The following IFT74 variants were observed in gnomAD, a reference collection of about 807,000 sequenced individuals.
IFT74 encodes the protein intraflagellar transport 74.
In IFT74, 92 loss-of-function variants were observed where a neutral mutation model predicts 96.7. That is an observed-to-expected ratio of 0.95 (90% CI 0.80 to 1.13). IFT74 has a LOEUF of 1.13. Ranked by LOEUF, IFT74 falls within the 50% of genes most tolerant of loss-of-function variation. The probability of loss-of-function intolerance (pLI) is 0.00; values close to 1 mark genes in which losing one functional copy is unlikely to be tolerated. For missense variants in IFT74, 811 were observed against 698.2 expected (o/e 1.16, Z -1.82); for synonymous variants, 223 against 213.2 (o/e 1.05, Z -0.40).
At chr9:27,016,251 T>C (rs1341974710) in intron 10 of IFT74, among the ~76,000 whole-genome samples, 1 of 152,192 alleles carries the variant, frequency 6.6e-6, no homozygotes, top group Non-Finnish European at 1.5e-5. Context: ...GACTTGCAGC[T>C]GCATCACTCC....
chr9:26,949,948 A>T (rs772982339), intron 1 of IFT74, among the ~76,000 whole-genome samples: 8 of 152,192 alleles, frequency 5.3e-5, no homozygotes, highest in South Asian at 2.1e-4. Flanking sequence ...TATCTGTAGG[A>T]GTACTTGGCG....
chr9:26,981,969 A>G (rs968971136), intron 4 of IFT74, among the ~76,000 whole-genome samples: 2 of 151,354 alleles, frequency 1.3e-5, no homozygotes, highest in Non-Finnish European at 2.9e-5. Context: ...GGCTTTCACC[A>G]TATTGGCCAG....
At position 27,065,907 on chromosome 9, in the gene IFT74, A is replaced by C. The variant is rs999157103; in HGVS notation, c.*3171A>C. On this transcript the variant is annotated 3_prime_UTR_variant, in exon 20 of 20. Coordinates refer to ENST00000380062, the MANE Select transcript of IFT74 (RefSeq NM_025103.4). ...TTGAAATAAAAGTAGATTATGTCTT[A>C]AAATTGTAAGTTTACAGTTTGATAA... is the stretch of plus-strand genomic sequence containing the variant. Among the ~76,000 whole-genome samples the C allele has an allele frequency of 6.6e-6, 1 of 152,230 alleles. No homozygotes were observed. Among genetic ancestry groups the C allele is most frequent in the African/African-American group, 2.4e-5 (1 of 41,472 alleles).
In IFT74 at chr9:26,990,321, A is replaced by G. The variant is rs1587298108; in HGVS notation, c.587+126A>G. ...CCCATTGCCTTTTTCATTTAAAAAT[A>G]TTTACAACACAAATTTTGTTGCTTA... On this transcript the variant is annotated intron_variant, in intron 8 of 19. Transcript: ENST00000380062. 1.5e-5 allele frequency: 7 copies of G among 460,334 alleles called. No homozygotes were observed. The East Asian group carries it at 2.1e-4, about 14-fold the overall frequency. 28.5% of individuals were successfully genotyped at this position (460,334 alleles called of 1,614,324 possible). A position where few individuals can be genotyped will look rare whatever the true frequency, so the allele number is the denominator to read the frequency against.
chr9:26,976,922 TTTAGTAC>T, intron 2 of IFT74: 1 of 370,100 alleles, frequency 2.7e-6, no homozygotes, highest in Non-Finnish European at 5.3e-6. Flanking sequence ...ATGTAAGCCC[TTTAGTAC>T]TTACATGGTC....
intron 8 of IFT74, among the ~76,000 whole-genome samples, chr9:27,000,342 C>T (rs10967652): frequency 0.32 from 49,016 of 151,962 alleles, 9,298 homozygotes; most frequent in East Asian, 0.69. Context: ...TTCAGGAAAA[C>T]GTATATTTAT....
At chr9:27,039,698 A>G (rs1819379945) in intron 13 of IFT74, among the ~76,000 whole-genome samples, 1 of 152,182 alleles carries the variant, frequency 6.6e-6, no homozygotes, top group Admixed American at 6.5e-5. Flanking sequence ...AGGTATCATA[A>G]GTAATCTAGG....
At chr9:26,959,939 G>A (rs993514354) in intron 1 of IFT74, among the ~76,000 whole-genome samples, 8 of 152,198 alleles carry the variant, frequency 5.3e-5, no homozygotes, top group Admixed American at 2.6e-4. Flanking sequence ...CAGATTGGAT[G>A]TAGAGAAGGG....
chr9:27,030,762 T>C (rs1177387230), intron 13 of IFT74, among the ~76,000 whole-genome samples: 1 of 152,146 alleles, frequency 6.6e-6, no homozygotes, highest in Non-Finnish European at 1.5e-5. Flanking sequence ...ATTTCTCCTT[T>C]CTTAGTTGAA....
At chr9:26,992,265 A>G (rs1015796929) in intron 8 of IFT74, among the ~76,000 whole-genome samples, 1 of 152,160 alleles carries the variant, frequency 6.6e-6, no homozygotes, top group Non-Finnish European at 1.5e-5. Flanking sequence ...GGTTTTTTTT[A>G]TTTAGGAAAA....
chr9:27,026,192 T>C (rs528406658), intron 12 of IFT74, among the ~76,000 whole-genome samples: 232 of 152,300 alleles, frequency 1.5e-3, no homozygotes, highest in African/African-American at 5.2e-3. Flanking sequence ...GCTATTCTTA[T>C]ATTAGACAAA....
intron 2 of IFT74, among the ~76,000 whole-genome samples, chr9:26,971,549 GAA>G (rs1425888553): frequency 1.3e-5 from 2 of 152,144 alleles, no homozygotes; most frequent in Admixed American, 1.3e-4. Flanking sequence ...CAGTGGAAGA[GAA>G]AATGGGGACT....
In IFT74 at chr9:27,044,972, A is replaced by C. The variant is rs551359012; in HGVS notation, c.1108+177A>C. Among the ~76,000 whole-genome samples, 7 of 152,304 alleles carry C rather than the reference A, an allele frequency of 4.6e-5. No homozygotes were observed. The South Asian group carries it at 1.5e-3, about 32-fold the overall frequency. On this transcript the variant is annotated intron_variant, in intron 14 of 19. Coordinates refer to ENST00000380062, the MANE Select transcript of IFT74 (RefSeq NM_025103.4). ...AGCATAATTTAGAGATGGGTAGAAA[A>C]TTCTAAAAAGATATGTGATGAGTGT...
chr9:27,050,180 C>A (rs1819861140), intron 16 of IFT74, among the ~76,000 whole-genome samples: 1 of 152,138 alleles, frequency 6.6e-6, no homozygotes, highest in African/African-American at 2.4e-5. Context: ...ACCTCAGCCT[C>A]CCAACTAGCT....
chr9:26,969,465 G>A (rs964207207), intron 2 of IFT74, among the ~76,000 whole-genome samples: 18 of 151,726 alleles, frequency 1.2e-4, no homozygotes, highest in African/African-American at 4.1e-4. Flanking sequence ...GGCTTGATAC[G>A]TTTCTCATAG....
intron 8 of IFT74, chr9:26,996,594 C>A: frequency 1.1e-6 from 1 of 892,718 alleles, no homozygotes; most frequent in South Asian, 4.3e-5. Flanking sequence ...ACATATTTGT[C>A]ATTCTTAAAG....
chr9:27,001,632 T>C (rs1490605150), intron 8 of IFT74, among the ~76,000 whole-genome samples: 1 of 152,252 alleles, frequency 6.6e-6, no homozygotes, highest in Non-Finnish European at 1.5e-5. Context: ...TTCAGTTCTT[T>C]TGCCATGTTT....
chr9:26,966,012 G>T (rs1826592715), intron 2 of IFT74, among the ~76,000 whole-genome samples: 1 of 151,770 alleles, frequency 6.6e-6, no homozygotes, highest in Non-Finnish European at 1.5e-5. Flanking sequence ...ATATATATAT[G>T]TGTATATGTG....
intron 8 of IFT74, among the ~76,000 whole-genome samples, chr9:27,000,441 C>A (rs1211398749): frequency 1.3e-5 from 2 of 152,100 alleles, no homozygotes; most frequent in East Asian, 1.9e-4. Context: ...TTATTCTTGA[C>A]TTAAAACTGT....
Sources: allele counts gnomAD v4.1 joint callset (sites outside exome capture counted in the v4.1 genomes callset), GRCh38; gene constraint gnomAD v4.1.1; transcripts MANE v1.5; gene names NCBI Gene and HGNC (gene_info 2026-07-23, HGNC 2026-07-21).